The following DGKB variants were observed in gnomAD, a reference collection of about 807,000 sequenced individuals.
The protein encoded by DGKB is 90 kDa diacylglycerol kinase.
Under a neutral mutation model 114.3 loss-of-function variants are expected in DGKB, and 67 were observed. The ratio of observed to expected loss-of-function variants is 0.59; its 90% confidence interval spans 0.48 to 0.72. The LOEUF (loss-of-function observed/expected upper bound fraction) is 0.72. Among genes scored for constraint, DGKB ranks in the 30% least tolerant of loss-of-function variants. DGKB has a pLI of 0.00. For synonymous variants in DGKB, 398 were observed against 323.1 expected (o/e 1.23, Z -2.49); for missense variants, 907 against 975.2 (o/e 0.93, Z 0.93).
chr7:14,240,721 C>A (rs955923238), intron 23 of DGKB, among the ~76,000 whole-genome samples: 9 of 152,110 alleles, frequency 5.9e-5, no homozygotes, highest in Admixed American at 2.6e-4. Context: ...AGCTACCTTT[C>A]TACTCTGACA....
chr7:14,282,717 T>A (rs200102815), intron 23 of DGKB, among the ~76,000 whole-genome samples: 1 of 149,348 alleles, frequency 6.7e-6, no homozygotes, highest in African/African-American at 2.5e-5. Flanking sequence ...TATACGCAAA[T>A]CAATAAATGT....
intron 21 of DGKB, among the ~76,000 whole-genome samples, chr7:14,466,733 G>A (rs1394027920): frequency 2.0e-5 from 3 of 152,008 alleles, no homozygotes; most frequent in Non-Finnish European, 4.4e-5. Context: ...CAATAGAATC[G>A]CTTGAACCTG....
At chr7:14,692,396 T>C (rs1823026253) in intron 9 of DGKB, among the ~76,000 whole-genome samples, 1 of 151,974 alleles carries the variant, frequency 6.6e-6, no homozygotes, top group Non-Finnish European at 1.5e-5. Flanking sequence ...GAATCATTAT[T>C]ATTGGAATTT....
chr7:14,903,820 CTG>C (rs1309239730), upstream of DGKB, among the ~76,000 whole-genome samples: 1 of 152,140 alleles, frequency 6.6e-6, no homozygotes, highest in African/African-American at 2.4e-5. Flanking sequence ...TTTTTGTGGA[CTG>C]TGTACAAAAC....
At chr7:14,674,436 A>G (rs1459638717) in intron 12 of DGKB, among the ~76,000 whole-genome samples, 1 of 152,154 alleles carries the variant, frequency 6.6e-6, no homozygotes, top group Non-Finnish European at 1.5e-5. Flanking sequence ...AAAATGTATT[A>G]TTAATTTATT....
Position 14,685,084 on chromosome 7 carries a change from T to C in DGKB, c.829+161A>G, listed in dbSNP as rs532951844. On this transcript the variant is annotated intron_variant, in intron 10 of 25. Coordinates refer to ENST00000402815, the MANE Select transcript of DGKB (RefSeq NM_001350709.2). ...TTTTCCAAAACTGAAGAAATTAGAG[T>C]AACCTAAATATTCAAAAACACACTA... 6.6e-5 allele frequency among the ~76,000 whole-genome samples: 10 copies of C among 152,128 alleles called. No homozygotes were observed. The East Asian group carries it at 1.7e-3, about 26-fold the overall frequency.
intron 2 of DGKB, among the ~76,000 whole-genome samples, chr7:14,794,437 T>C (rs564830912): frequency 1.3e-5 from 2 of 152,312 alleles, no homozygotes; most frequent in East Asian, 3.9e-4. Flanking sequence ...AAAATACTTT[T>C]GAAGATTTTC....
At chr7:14,798,138 G>A (rs976297725) in intron 2 of DGKB, among the ~76,000 whole-genome samples, 1 of 152,128 alleles carries the variant, frequency 6.6e-6, no homozygotes, top group Non-Finnish European at 1.5e-5. Context: ...TCAGAAGGGA[G>A]CAATCAAGAG....
intron 21 of DGKB, among the ~76,000 whole-genome samples, chr7:14,460,809 C>A (rs549813774): frequency 9.9e-5 from 15 of 152,280 alleles, no homozygotes; most frequent in African/African-American, 3.6e-4. Context: ...ACATTCTTCT[C>A]AGCACCACAT....
At position 14,727,269 on chromosome 7, in the gene DGKB, C is replaced by T. The variant is rs61272991; in HGVS notation, c.323-8584G>A. ...ATATTCAGATGGAAGAAAAAAGAAA[C>T]CTGATTATTCAAGTCTAACATATTA... On this transcript the variant is annotated intron_variant, in intron 5 of 25. Coordinates refer to ENST00000402815, the MANE Select transcript of DGKB (RefSeq NM_001350709.2). Among the ~76,000 whole-genome samples, 559 of 152,038 alleles carry T rather than the reference C, an allele frequency of 3.7e-3. 3 individuals are homozygous for T. The highest frequency in any genetic ancestry group is 0.012 in the African/African-American group (518 of 41,484).
At chr7:14,446,964 T>C (rs951100483) in intron 21 of DGKB, among the ~76,000 whole-genome samples, 5 of 152,154 alleles carry the variant, frequency 3.3e-5, no homozygotes, top group Admixed American at 2.0e-4. Flanking sequence ...CCAGGATGTC[T>C]GCTCAGAAGG....
intron 5 of DGKB, among the ~76,000 whole-genome samples, chr7:14,735,506 A>T (rs1206216280): frequency 6.6e-6 from 1 of 152,196 alleles, no homozygotes; most frequent in Admixed American, 6.5e-5. Context: ...AGGGAGATTG[A>T]TACAACAGGT....
At chr7:14,835,472 G>C (rs1847022323) in intron 2 of DGKB, among the ~76,000 whole-genome samples, 1 of 152,194 alleles carries the variant, frequency 6.6e-6, no homozygotes, top group Non-Finnish European at 1.5e-5. Context: ...TGTGTTCTCA[G>C]ACACTGCGAA....
At chr7:14,540,053 A>T (rs12670946) in intron 20 of DGKB, among the ~76,000 whole-genome samples, 73,911 of 151,728 alleles carry the variant, frequency 0.49, 18,411 homozygotes, top group East Asian at 0.74. Flanking sequence ...TTAATATTTC[A>T]CTTAAGTAAA....
chr7:14,235,064 C>A (rs1160927907), intron 23 of DGKB, among the ~76,000 whole-genome samples: 2 of 152,080 alleles, frequency 1.3e-5, no homozygotes, highest in Non-Finnish European at 2.9e-5. Flanking sequence ...CTCAGACTGA[C>A]TTCTCTTCTT....
rs191264109 is a variant in DGKB, at chr7:14,921,162, G to C, written c.-188+53534C>G. Among the ~76,000 whole-genome samples the C allele has an allele frequency of 2.6e-3, 390 of 152,238 alleles. 1 individual carries two copies. The highest frequency in any genetic ancestry group is 8.9e-3 in the African/African-American group (368 of 41,570). On this transcript the variant is annotated intron_variant, in intron 1 of 4. Coordinates refer to the DGKB transcript ENST00000437998. ...AGTAAAATAATCAGTGGTTTCCAGA[G>C]GTTTTGGAGGGAGAGGGGAAGTGGT...
chr7:14,219,915 C>T (rs1014980655), intron 23 of DGKB, among the ~76,000 whole-genome samples: 3 of 151,708 alleles, frequency 2.0e-5, no homozygotes, highest in Non-Finnish European at 3.0e-5. Context: ...CTTACACTTA[C>T]ATCCTTGATT....
At chr7:14,643,621 T>A (rs796940339) in intron 13 of DGKB, among the ~76,000 whole-genome samples, 15 of 152,092 alleles carry the variant, frequency 9.9e-5, no homozygotes, top group African/African-American at 3.6e-4. Context: ...AGAAAATAGG[T>A]GATCTAAACC....
At chr7:14,718,728 T>G in intron 5 of DGKB, 43 bp from the exon 6 acceptor site, 1 of 1,433,740 alleles carries the variant, frequency 7.0e-7, no homozygotes, top group Non-Finnish European at 9.6e-7. Context: ...TTATTTACAG[T>G]GATCTCAAAC....
Sources: gnomAD v4.1 joint callset for allele counts (sites outside exome capture counted in the v4.1 genomes callset) on GRCh38, gnomAD v4.1.1 for gene constraint, MANE v1.5 for transcripts, NCBI Gene and HGNC (gene_info 2026-07-23, HGNC 2026-07-21) for gene names.